DHRS3: variants seen among roughly 807,000 people sequenced by gnomAD.
The protein encoded by DHRS3 is short-chain dehydrogenase/reductase 3.
In DHRS3, 14 loss-of-function variants were observed where a neutral mutation model predicts 27.2. That is an observed-to-expected ratio of 0.52 (90% confidence interval 0.34 to 0.81). DHRS3 has a LOEUF of 0.81. DHRS3 is among the 30% of genes least tolerant of loss of function. The pLI, the probability that DHRS3 is intolerant of heterozygous loss-of-function variation, is 0.01. For synonymous variants in DHRS3, 165 were observed against 175.9 expected, an observed-to-expected ratio of 0.94 and a Z score of 0.49; for missense variants, 322 against 406.2, an observed-to-expected ratio of 0.79 and a Z score of 1.78.
At chr1:12,614,450 T>A (rs1437195430) in intron 1 of DHRS3, among the ~76,000 whole-genome samples, 1 of 151,892 alleles carries the variant, frequency 6.6e-6, no homozygotes, top group Non-Finnish European at 1.5e-5. Context: ...TTTGCCACAG[T>A]GCACTGTGGG....
At chr1:12,605,904 G>T (rs539331300) in intron 1 of DHRS3, among the ~76,000 whole-genome samples, 1 of 152,080 alleles carries the variant, frequency 6.6e-6, no homozygotes, top group African/African-American at 2.4e-5. Context: ...ACTTTGGGAG[G>T]CCGAGGCAGG....
chr1:12,571,456 C>T (rs1054387601), intron 5 of DHRS3, among the ~76,000 whole-genome samples: 39 of 151,824 alleles, frequency 2.6e-4, no homozygotes, highest in Non-Finnish European at 4.9e-4. Flanking sequence ...GGCTGTAGAA[C>T]AGTGGTTCTC....
chr1:12,579,144 T>C, intron 3 of DHRS3, 149 bp downstream of exon 3: 1 of 1,404,710 alleles, frequency 7.1e-7, no homozygotes, highest in South Asian at 1.2e-5. Context: ...TGATGTGTCC[T>C]AGAGCTGGTC....
At position 12,572,735 on chromosome 1, in the gene DHRS3, A is replaced by G; in HGVS notation, c.817T>C (p.Leu273=). The stretch of plus-strand genomic sequence containing the variant: ...TCTTTCCCAGCCCCATACCTTTTCA[A>G]GATAACGAGGGCATGCATTGTCCAT... ...LPWTMHALVI[L]KSILPQAALE... The change falls in exon 5 of 6, where the codon TTG becomes CTG. Residue 273 remains leucine, a synonymous_variant. Transcript: ENST00000616661. 3 of 1,601,434 alleles carry G rather than the reference A, an allele frequency of 1.9e-6. No individual in the cohort carries two copies. Among genetic ancestry groups the G allele is most frequent in the Non-Finnish European group, 2.6e-6 (3 of 1,173,978 alleles).
intron 1 of DHRS3, among the ~76,000 whole-genome samples, chr1:12,602,920 G>A (rs1040683075): frequency 3.9e-5 from 6 of 152,270 alleles, no homozygotes; most frequent in Non-Finnish European, 7.3e-5. Context: ...CTGCCTTTGG[G>A]CCAGGTCTGG....
rs143364369 is a variant in DHRS3 at position 12,603,457 on chromosome 1, C to T, written c.195+13697G>A. On this transcript the variant is annotated intron_variant, in intron 1 of 5. Transcript: ENST00000616661. ...AAGCCACAAAACAGAAGTGACAACA[C>T]TGATCTGGTCCGCAGGAAGGAGGGG... 3.3e-5 allele frequency among the ~76,000 whole-genome samples: 5 copies of T among 152,362 alleles called. No homozygotes were observed. In the East Asian group the frequency reaches 9.6e-4, roughly 29 times the overall value.
Position 12,574,869 on chromosome 1 carries a change from A to T in DHRS3, c.699-2016T>A, listed in dbSNP as rs919231853. Among the ~76,000 whole-genome samples the T allele has an allele frequency of 3.9e-5, 6 of 152,338 alleles. No homozygotes were observed. The highest frequency in any genetic ancestry group is 7.4e-5 in the Non-Finnish European group (5 of 68,014). On this transcript the variant is annotated intron_variant, in intron 4 of 5. Transcript: ENST00000616661. The surrounding 1 kb of genome is among the most constrained non-coding windows in gnomAD (Gnocchi z 4.6). ...GAAGCATGCTTAGCTAGCCAGTTTCAAGCTATGTGGACTTGGGCAGGTAAC... is the reference window on the plus strand; with the variant it reads ...GAAGCATGCTTAGCTAGCCAGTTTCTAGCTATGTGGACTTGGGCAGGTAAC...
At chr1:12,575,693 TAC>T (rs1288375196) in intron 4 of DHRS3, among the ~76,000 whole-genome samples, 7 of 151,426 alleles carry the variant, frequency 4.6e-5, no homozygotes, top group Non-Finnish European at 1.0e-4. Flanking sequence ...GAAAAGGGGA[TAC>T]TATTATTATT....
chr1:12,605,937 G>A (rs1354120706), intron 1 of DHRS3, among the ~76,000 whole-genome samples: 2 of 151,970 alleles, frequency 1.3e-5, no homozygotes, highest in African/African-American at 4.8e-5. Flanking sequence ...TCAAGAGACT[G>A]AGATCATCCT....
chr1:12,578,721 A>G lies in DHRS3; in HGVS notation c.695T>C (p.Val232Ala). ...TSTEMFQGMR[V>A]RFPNLFPPLK... Reference sequence around the variant, plus strand: ...GGTGGGTCCCCTGCTCACTGACCTGACTCTCATGCCCTGGAACATCTCGGT... The same window carrying G: ...GGTGGGTCCCCTGCTCACTGACCTGGCTCTCATGCCCTGGAACATCTCGGT... Residue 232 changes from valine to alanine, a missense_variant, in exon 4 of 6, where the codon GTC becomes GCC. Transcript: ENST00000616661. This position sits in a 1 kb window ranked among gnomAD's most constrained non-coding sequence, Gnocchi z 4.5. 1 of 1,609,950 alleles carries G rather than the reference A, an allele frequency of 6.2e-7. No individual in the cohort carries two copies. Among genetic ancestry groups the G allele is most frequent in the East Asian group, 2.2e-5 (1 of 44,698 alleles).
Position 12,591,195 on chromosome 1 carries a change from C to T in DHRS3, c.196-10529G>A, listed in dbSNP as rs886989979. On this transcript the variant is annotated intron_variant, in intron 1 of 5. Transcript: ENST00000616661. This position sits in a 1 kb window ranked among gnomAD's most constrained non-coding sequence, Gnocchi z 4.1. ...AGCATTTATTGGTGTAGCCCTAGGT[C>T]GTTACAGGTGCCCCACGGCTGACCC... 6.6e-6 allele frequency among the ~76,000 whole-genome samples: 1 copy of T among 152,202 alleles called. No individual in the cohort carries two copies. The highest frequency in any genetic ancestry group is 2.4e-5 in the African/African-American group (1 of 41,462).
intron 3 of DHRS3, 129 bp from the exon 4 acceptor site, chr1:12,579,085 A>T (rs553115276): frequency 8.2e-7 from 1 of 1,220,202 alleles, no homozygotes; most frequent in Non-Finnish European, 1.1e-6. Context: ...TGCGAGGGAG[A>T]GGGCCGAGGG....
At chr1:12,571,526 A>ATT (rs371364169) in intron 5 of DHRS3, among the ~76,000 whole-genome samples, 9,511 of 126,678 alleles carry the variant, frequency 0.075, 482 homozygotes, top group East Asian at 0.18. Context: ...TGTGAGGTCA[A>ATT]TTTTTTTTTT....
chr1:12,576,006 T>C (rs946563014), intron 4 of DHRS3, among the ~76,000 whole-genome samples: 1 of 151,544 alleles, frequency 6.6e-6, no homozygotes, highest in African/African-American at 2.4e-5. Context: ...CGTGCCCAGC[T>C]GGGGATACTA....
At position 12,578,997 on chromosome 1, in the gene DHRS3, C is replaced by A; in HGVS notation, c.460-41G>T. ...GTGTCAGGGTGGAGCAGCTGCAGCTCTGACAACCCCTCCACCTTTCTTTCG... is the reference window on the plus strand; with the variant it reads ...GTGTCAGGGTGGAGCAGCTGCAGCTATGACAACCCCTCCACCTTTCTTTCG... On this transcript the variant is annotated intron_variant, in intron 3 of 5. Transcript: ENST00000616661. This position sits in a 1 kb window ranked among gnomAD's most constrained non-coding sequence, Gnocchi z 4.5. 1 of 1,541,162 alleles carries A rather than the reference C, an allele frequency of 6.5e-7. No individual in the cohort carries two copies. Among genetic ancestry groups the A allele is most frequent in the South Asian group, 1.1e-5 (1 of 88,340 alleles).
chr1:12,586,122 G>GGCTGTCCTGCCCTTGCCCAGA lies in DHRS3; in HGVS notation c.196-5477_196-5457dup, dbSNP rs1646695247. Among the ~76,000 whole-genome samples the GGCTGTCCTGCCCTTGCCCAGA allele has an allele frequency of 6.6e-6, 1 of 152,198 alleles. No homozygotes were observed. The highest frequency in any genetic ancestry group is 1.5e-5 in the Non-Finnish European group (1 of 68,044). ...AAGACCTCTGGTCTCCGGGGCCCCG[G>GGCTGTCCTGCCCTTGCCCAGA]GCTGTCCTGCCCTTGCCCAGAGCTG... On this transcript the variant is annotated intron_variant, in intron 1 of 5. Coordinates refer to ENST00000616661, the MANE Select transcript of DHRS3 (RefSeq NM_004753.7). This position sits in a 1 kb window ranked among gnomAD's most constrained non-coding sequence, Gnocchi z 5.0.
intron 1 of DHRS3, among the ~76,000 whole-genome samples, chr1:12,603,006 C>A (rs1646845755): frequency 6.6e-6 from 1 of 152,250 alleles, no homozygotes; most frequent in Non-Finnish European, 1.5e-5. Flanking sequence ...CAGGGAGAAG[C>A]CTCCTGTGTC....
chr1:12,595,590 C>A (rs1646789119), intron 1 of DHRS3, among the ~76,000 whole-genome samples: 2 of 139,090 alleles, frequency 1.4e-5, no homozygotes, highest in South Asian at 4.7e-4. Flanking sequence ...CTGGGTGGAG[C>A]GGGTGAGGAG....
rs770737842 is a variant in DHRS3 at position 12,572,859 on chromosome 1, C to T, written c.699-6G>A. ...GGGGAAAGAGGTTGGGAAACCTGAACACAGGAAGAGACACAGTGGGTTTCT... is the reference window on the plus strand; with the variant it reads ...GGGGAAAGAGGTTGGGAAACCTGAATACAGGAAGAGACACAGTGGGTTTCT... On this transcript the variant is annotated splice_region_variant and splice_polypyrimidine_tract_variant and intron_variant, in intron 4 of 5. Transcript: ENST00000616661. 1 of 1,592,386 alleles carries T rather than the reference C, an allele frequency of 6.3e-7. No individual in the cohort carries two copies. The highest frequency in any genetic ancestry group is 8.6e-7 in the Non-Finnish European group (1 of 1,169,572).
Sources: gnomAD v4.1 joint callset for allele counts (sites outside exome capture counted in the v4.1 genomes callset) on GRCh38, gnomAD v4.1.1 for gene constraint, Gnocchi (gnomAD v3.1) non-coding constraint, MANE v1.5 for transcripts, NCBI Gene and HGNC (gene_info 2026-07-23, HGNC 2026-07-21) for gene names.